The following CSMD3 variants were observed in gnomAD, a reference collection of about 807,000 sequenced individuals.
CSMD3 encodes CUB and Sushi multiple domains 3, also known as CUB and sushi domain-containing protein 3.
Under a neutral mutation model 435.2 loss-of-function variants are expected in CSMD3, and 177 were observed. The observed-to-expected ratio is 0.41, with a 90% confidence interval of 0.36 to 0.46. The LOEUF (loss-of-function observed/expected upper bound fraction) is 0.46. CSMD3 is among the 20% of genes least tolerant of loss of function. The pLI, the probability that CSMD3 is intolerant of heterozygous loss-of-function variation, is 0.34. For synonymous variants in CSMD3, 1,656 were observed against 1,520.5 expected (o/e 1.09, Z -2.07); for missense variants, 4,265 against 4,504.6 (o/e 0.95, Z 1.52).
intron 4 of CSMD3, among the ~76,000 whole-genome samples, chr8:113,158,502 C>T (rs954801173): frequency 6.6e-6 from 1 of 151,974 alleles, no homozygotes; most frequent in African/African-American, 2.4e-5. Flanking sequence ...TGTCAAAGTT[C>T]ATAATTTTCA....
At chr8:113,159,856 T>C (rs2092005260) in intron 4 of CSMD3, among the ~76,000 whole-genome samples, 1 of 151,972 alleles carries the variant, frequency 6.6e-6, no homozygotes. Context: ...CTGTGGGATA[T>C]AAATTGATTG....
In CSMD3 at chr8:112,503,945, T is replaced by C. The variant is rs148571616; in HGVS notation, c.4928A>G (p.Tyr1643Cys). 1.8e-4 allele frequency: 297 copies of C among 1,610,050 alleles called. 2 individuals are homozygous for C. In the African/African-American group the frequency reaches 3.0e-3, roughly 16 times the overall value. The change falls in exon 30 of 71, where the codon TAT becomes TGT. Residue 1643 changes from tyrosine to cysteine, a missense_variant. Around this residue, in one of 3 missense-constraint regions of CSMD3, gnomAD observed 3,255 missense variants for 3,380.2 expected, o/e 0.96. Transcript: ENST00000297405. ...FSIEPNYDFL[Y>C]IYDGPDSNSP... ...ATTACTGTCTGGTCCATCATAGATATAGAGGAAGTCATAGTTTGGTTCTAT... is the reference window on the plus strand; with the variant it reads ...ATTACTGTCTGGTCCATCATAGATACAGAGGAAGTCATAGTTTGGTTCTAT...
intron 2 of CSMD3, among the ~76,000 whole-genome samples, chr8:113,288,772 A>T (rs2093663868): frequency 6.6e-6 from 1 of 151,860 alleles, no homozygotes; most frequent in Non-Finnish European, 1.5e-5. Flanking sequence ...TGAAAAAAAA[A>T]TTCATTCTGC....
intron 37 of CSMD3, 127 bp downstream of exon 37, chr8:112,383,440 G>C: frequency 1.5e-6 from 1 of 656,118 alleles, no homozygotes; most frequent in Non-Finnish European, 2.8e-6. Flanking sequence ...TTCAGTCCTT[G>C]TATCTTTGTG....
In CSMD3 at chr8:113,168,519, C is replaced by CAAAAAAAAAAAA. The variant is rs71281204; in HGVS notation, c.709+5191_709+5202dup. Among the ~76,000 whole-genome samples the CAAAAAAAAAAAA allele has an allele frequency of 1.2e-3, 20 of 17,012 alleles. 2 individuals are homozygous for CAAAAAAAAAAAA. Among genetic ancestry groups the CAAAAAAAAAAAA allele is most frequent in the Admixed American group, 1.6e-3 (2 of 1,224 alleles). The allele number at this position is 17,012 out of a possible 152,430, so 11.2% of individuals were successfully genotyped here. A position where few individuals can be genotyped will look rare whatever the true frequency, so the allele number is the denominator to read the frequency against. ...CTGGTGACAGAGCAAGACTCTGTCTCAAAAAAAAAAAAAAAAAAAAAAAAA... is the reference window on the plus strand; with the variant it reads ...CTGGTGACAGAGCAAGACTCTGTCTCAAAAAAAAAAAAAAAAAAAAAAAAAAAAAAAAAAAAA... On this transcript the variant is annotated intron_variant, in intron 4 of 70. Transcript: ENST00000297405.
At chr8:112,662,184 T>C (rs1362681628) in intron 17 of CSMD3, among the ~76,000 whole-genome samples, 1 of 152,138 alleles carries the variant, frequency 6.6e-6, no homozygotes, top group Non-Finnish European at 1.5e-5. Flanking sequence ...TTAAAGTTCA[T>C]ATGGAACCAA....
chr8:113,275,818 AGT>A (rs1192596359), intron 3 of CSMD3, among the ~76,000 whole-genome samples: 1 of 152,030 alleles, frequency 6.6e-6, no homozygotes, highest in Non-Finnish European at 1.5e-5. Context: ...AGGGCAACAC[AGT>A]GAGACTCCTA....
In CSMD3 at chr8:112,573,024, T is replaced by C. The variant is rs1217904589; in HGVS notation, c.4042+477A>G. ...TAGAACTGTGAGAAAGTATTTGTTA[T>C]AAAACAAGTCAACACAAAAGCAGAA... On this transcript the variant is annotated intron_variant, in intron 24 of 70. Coordinates refer to ENST00000297405, the MANE Select transcript of CSMD3 (RefSeq NM_198123.2). Among the ~76,000 whole-genome samples, 5 of 152,192 alleles carry C rather than the reference T, an allele frequency of 3.3e-5. No homozygotes were observed. In the East Asian group the frequency reaches 9.7e-4, roughly 29 times the overall value.
intron 1 of CSMD3, among the ~76,000 whole-genome samples, chr8:113,390,479 T>A (rs752514236): frequency 5.3e-5 from 8 of 152,062 alleles, no homozygotes; most frequent in Middle Eastern, 3.4e-3. Flanking sequence ...CCTGATTATC[T>A]TCATTACAGA....
chr8:112,319,789 C>G lies in CSMD3; in HGVS notation c.7246+112G>C, dbSNP rs1453460562. On this transcript the variant is annotated intron_variant, in intron 46 of 70. Transcript: ENST00000297405. Reference sequence around the variant, plus strand: ...AAATTCTAAATAATCTCTATCAACACAGGGAATGAGGGTCTCAAGACAGGC... The same window carrying G: ...AAATTCTAAATAATCTCTATCAACAGAGGGAATGAGGGTCTCAAGACAGGC... 5.0e-6 allele frequency: 4 copies of G among 795,556 alleles called. No homozygotes were observed. The African/African-American group carries it at 6.7e-5, about 13-fold the overall frequency. 49.3% of individuals were successfully genotyped at this position (795,556 alleles called of 1,614,324 possible). A position where few individuals can be genotyped will look rare whatever the true frequency, so the allele number is the denominator to read the frequency against.
intron 66 of CSMD3, among the ~76,000 whole-genome samples, chr8:112,238,344 C>G (rs182576491): frequency 1.9e-4 from 29 of 151,950 alleles, no homozygotes; most frequent in South Asian, 6.2e-4. Flanking sequence ...TCTTACCAGT[C>G]AGATCACAGG....
intron 41 of CSMD3, among the ~76,000 whole-genome samples, chr8:112,342,931 T>A (rs1283118656): frequency 7.1e-6 from 1 of 140,290 alleles, no homozygotes; most frequent in Admixed American, 7.8e-5. Flanking sequence ...AATTGTTTCA[T>A]ATATTCTTGA....
intron 10 of CSMD3, among the ~76,000 whole-genome samples, chr8:112,892,460 G>A (rs2081824206): frequency 6.6e-6 from 1 of 151,312 alleles, no homozygotes; most frequent in Non-Finnish European, 1.5e-5. Flanking sequence ...AATTTATTAT[G>A]GTATCAAACC....
intron 13 of CSMD3, among the ~76,000 whole-genome samples, chr8:112,733,717 T>G (rs2077124147): frequency 6.6e-6 from 1 of 151,998 alleles, no homozygotes; most frequent in Admixed American, 6.6e-5. Context: ...TTAGTTCTAG[T>G]AAGAAAAAGA....
intron 38 of CSMD3, among the ~76,000 whole-genome samples, chr8:112,376,732 C>A (rs1492670): frequency 2.6e-5 from 4 of 151,976 alleles, no homozygotes; most frequent in African/African-American, 9.7e-5. Context: ...CATTATATGT[C>A]CATTATCTTC....
chr8:112,405,889 A>G (rs950942502), intron 35 of CSMD3, among the ~76,000 whole-genome samples: 1 of 152,088 alleles, frequency 6.6e-6, no homozygotes, highest in Non-Finnish European at 1.5e-5. Flanking sequence ...AATAATATTT[A>G]TTTCAAAGGA....
chr8:113,399,877 G>C (rs932902449), intron 1 of CSMD3, among the ~76,000 whole-genome samples: 2 of 151,664 alleles, frequency 1.3e-5, no homozygotes, highest in Non-Finnish European at 2.9e-5. Context: ...ACAATGAAAA[G>C]TGATTTATAC....
intron 9 of CSMD3, among the ~76,000 whole-genome samples, chr8:112,935,067 A>G (rs2083238398): frequency 6.6e-6 from 1 of 152,052 alleles, no homozygotes; most frequent in South Asian, 2.1e-4. Flanking sequence ...ATTTATTTTG[A>G]GTTGATTTTT....
chr8:112,432,983 A>C (rs1813878721), intron 32 of CSMD3, among the ~76,000 whole-genome samples: 1 of 152,092 alleles, frequency 6.6e-6, no homozygotes, highest in Non-Finnish European at 1.5e-5. Context: ...AACAGTTACA[A>C]CTTAATTCTG....
Sources: gnomAD v4.1 joint callset for allele counts (sites outside exome capture counted in the v4.1 genomes callset) on GRCh38, gnomAD v4.1.1 for gene constraint, gnomAD v4.1.1 regional missense constraint, MANE v1.5 for transcripts, NCBI Gene and HGNC (gene_info 2026-07-23, HGNC 2026-07-21) for gene names.